Variants in SNAP91 observed in about 807,000 individuals in gnomAD.
The protein encoded by SNAP91 is clathrin coat assembly protein AP180.
In SNAP91, 27 loss-of-function variants were observed where a neutral mutation model predicts 100.3. That is an observed-to-expected ratio of 0.27 (90% CI 0.20 to 0.37). SNAP91 has a LOEUF of 0.37. SNAP91 is among the 10% of genes least tolerant of loss of function. The pLI is 1.00. For missense variants in SNAP91, 986 were observed against 1,123.7 expected (o/e 0.88, Z 1.75); for synonymous variants, 404 against 398.6 (o/e 1.01, Z -0.16).
At chr6:83,656,364 A>C (rs562261670) in intron 7 of SNAP91, among the ~76,000 whole-genome samples, 26 of 152,334 alleles carry the variant, frequency 1.7e-4, no homozygotes, top group African/African-American at 6.3e-4. Context: ...TAAACAGCAT[A>C]GGCTTCCCAT....
intron 24 of SNAP91, among the ~76,000 whole-genome samples, chr6:83,577,667 A>G (rs996082952): frequency 1.3e-5 from 2 of 152,216 alleles, no homozygotes; most frequent in African/African-American, 4.8e-5. Flanking sequence ...TGATTGGGCA[A>G]GACTGCAATG....
chr6:83,654,753 T>G (rs1207179306), intron 7 of SNAP91, among the ~76,000 whole-genome samples: 1 of 152,192 alleles, frequency 6.6e-6, no homozygotes, highest in Non-Finnish European at 1.5e-5. Context: ...AAAAGATGTA[T>G]GTATTTGAGA....
At chr6:83,698,753 AAT>A (rs1304103449) in intron 2 of SNAP91, among the ~76,000 whole-genome samples, 1 of 152,170 alleles carries the variant, frequency 6.6e-6, no homozygotes, top group African/African-American at 2.4e-5. Context: ...CCCTTAGGGC[AAT>A]ATATGTTTCA....
chr6:83,663,450 A>C (rs1312177287), intron 3 of SNAP91, among the ~76,000 whole-genome samples: 1 of 152,194 alleles, frequency 6.6e-6, no homozygotes, highest in Admixed American at 6.5e-5. Flanking sequence ...CACAAATGAT[A>C]AGAAAGTGAA....
chr6:83,628,390 G>T (rs1398025459), intron 8 of SNAP91, among the ~76,000 whole-genome samples: 1 of 151,752 alleles, frequency 6.6e-6, no homozygotes, highest in Non-Finnish European at 1.5e-5. Flanking sequence ...GGGATTGCTG[G>T]ATCAAATGGT....
chr6:83,695,947 T>A (rs1400652342), intron 2 of SNAP91, among the ~76,000 whole-genome samples: 7 of 103,110 alleles, frequency 6.8e-5, no homozygotes, highest in Non-Finnish European at 9.4e-5. Context: ...GGGAGGGGGG[T>A]GGGAAAGAAC....
intron 7 of SNAP91, among the ~76,000 whole-genome samples, chr6:83,643,543 G>T (rs1452105467): frequency 6.6e-6 from 1 of 152,050 alleles, no homozygotes; most frequent in Admixed American, 6.5e-5. Flanking sequence ...TGTTCCATTG[G>T]TCTATATCTC....
chr6:83,581,718 C>A (rs1032221812), intron 23 of SNAP91, among the ~76,000 whole-genome samples: 1 of 152,092 alleles, frequency 6.6e-6, no homozygotes, highest in African/African-American at 2.4e-5. Context: ...AAGGACCCAG[C>A]ATGGGAAGAG....
At chr6:83,635,951 A>T (rs1022162172) in intron 8 of SNAP91, among the ~76,000 whole-genome samples, 1 of 152,198 alleles carries the variant, frequency 6.6e-6, no homozygotes, top group African/African-American at 2.4e-5. Flanking sequence ...TAGGTTATGA[A>T]ATTCTTAGTT....
chr6:83,670,244 C>CTTTTTTT (rs34522653), intron 2 of SNAP91, among the ~76,000 whole-genome samples: 1 of 140,724 alleles, frequency 7.1e-6, no homozygotes. Context: ...TGATATGGTC[C>CTTTTTTT]TTTTTTTTTT....
intron 2 of SNAP91, among the ~76,000 whole-genome samples, chr6:83,670,200 A>G (rs1306004558): frequency 6.7e-6 from 1 of 149,450 alleles, no homozygotes; most frequent in East Asian, 2.0e-4. Context: ...GCAGTGTATG[A>G]GCATTCTAGT....
rs754636292 is a variant in SNAP91 at position 83,659,100 on chromosome 6, T to TA, written c.453-9dup. 0.013 allele frequency: 18,642 copies of TA among 1,413,182 alleles called. No individual in the cohort carries two copies. The highest frequency in any genetic ancestry group is 0.015 in the Non-Finnish European group (15,676 of 1,050,798). The allele number at this position is 1,413,182 out of a possible 1,614,324, so 87.5% of individuals were successfully genotyped here. On this transcript the variant is annotated splice_polypyrimidine_tract_variant and intron_variant, in intron 5 of 29. Transcript: ENST00000369694. ...CTCATTACACCATCGGCCCTACAAT[T>TA]AAAAAAAAAAAAAAGGTACAATTTC...
chr6:83,591,264 T>G lies in SNAP91; in HGVS notation c.1961A>C (p.Gln654Pro). Residue 654 changes from glutamine to proline, a missense_variant, in exon 22 of 30, where the codon CAA becomes CCA. Physicochemically the swap from Gln to Pro is moderately conservative, Grantham distance 76 (BLOSUM62 -1). This residue lies in a region of SNAP91 where 575 missense variants were observed against 579.9 expected (regional missense o/e 0.99). Transcript: ENST00000369694. ...DAFGSSASEP[Q>P]PASQAASSSS... ...ACTAGAAGCAGCCTGAGATGCAGGT[T>G]GGGGTTCAGAAGCACTACTTCCAAA... 1 of 1,613,044 alleles carries G rather than the reference T, an allele frequency of 6.2e-7. No homozygotes were observed. Among genetic ancestry groups the G allele is most frequent in the Non-Finnish European group, 8.5e-7 (1 of 1,179,132 alleles).
At chr6:83,646,826 G>A (rs2097938092) in intron 7 of SNAP91, among the ~76,000 whole-genome samples, 1 of 152,112 alleles carries the variant, frequency 6.6e-6, no homozygotes, top group Non-Finnish European at 1.5e-5. Flanking sequence ...CATGAACATG[G>A]AACATCTCTC....
At chr6:83,593,843 C>CACTAGGTGTGTAATTT in intron 17 of SNAP91, 102 bp from the exon 18 acceptor site, 2 of 1,466,620 alleles carry the variant, frequency 1.4e-6, no homozygotes. Flanking sequence ...GATATTTACA[C>CACTAGGTGTGTAATTT]ACTAGCTAGG....
chr6:83,644,673 G>A (rs2097848041), intron 7 of SNAP91, among the ~76,000 whole-genome samples: 1 of 152,174 alleles, frequency 6.6e-6, no homozygotes, highest in Non-Finnish European at 1.5e-5. Flanking sequence ...CAAACTGAGA[G>A]TTTCTACATA....
intron 12 of SNAP91, among the ~76,000 whole-genome samples, chr6:83,609,569 T>C (rs1027155932): frequency 6.6e-6 from 1 of 152,138 alleles, no homozygotes; most frequent in African/African-American, 2.4e-5. Flanking sequence ...AATTATATAA[T>C]GGAAATTTGT....
chr6:83,636,117 C>T (rs2097434602), intron 8 of SNAP91, among the ~76,000 whole-genome samples: 1 of 152,060 alleles, frequency 6.6e-6, no homozygotes, highest in Non-Finnish European at 1.5e-5. Context: ...TTGTGTTGAT[C>T]TTGGAAAGCT....
chr6:83,613,186 T>G (rs1164869542), intron 11 of SNAP91, among the ~76,000 whole-genome samples: 1 of 152,164 alleles, frequency 6.6e-6, no homozygotes, highest in East Asian at 1.9e-4. Context: ...ACTGTCTCTG[T>G]TGAGATATCC....
Sources: gnomAD v4.1 joint callset for allele counts (sites outside exome capture counted in the v4.1 genomes callset) on GRCh38, gnomAD v4.1.1 for gene constraint, gnomAD v4.1.1 regional missense constraint, MANE v1.5 for transcripts, NCBI Gene and HGNC (gene_info 2026-07-23, HGNC 2026-07-21) for gene names.